The following GABRB1 variants were observed in gnomAD, a reference collection of about 807,000 sequenced individuals.
GABRB1 encodes gamma-aminobutyric acid receptor subunit beta-1.
In GABRB1, 17 loss-of-function variants were observed where a neutral mutation model predicts 51.6. The observed-to-expected ratio is 0.33, with a 90% confidence interval of 0.23 to 0.49. The LOEUF (loss-of-function observed/expected upper bound fraction) is 0.49. Ranked by LOEUF, GABRB1 falls within the 20% of genes least tolerant of loss-of-function variation. GABRB1 has a pLI of 0.99. For synonymous variants in GABRB1, 247 were observed against 218.9 expected, an observed-to-expected ratio of 1.13 and a Z score of -1.14; for missense variants, 410 against 600.6, an observed-to-expected ratio of 0.68 and a Z score of 3.32.
intron 4 of GABRB1, among the ~76,000 whole-genome samples, chr4:47,261,344 C>G (rs1578044092): frequency 1.3e-5 from 2 of 152,196 alleles, no homozygotes; most frequent in Admixed American, 6.5e-5. Flanking sequence ...GCAACTCCAG[C>G]AAAGTCTCAG....
chr4:47,092,580 G>A (rs558735406), intron 3 of GABRB1, among the ~76,000 whole-genome samples: 2 of 151,588 alleles, frequency 1.3e-5, no homozygotes, highest in African/African-American at 2.4e-5. Context: ...GGTCACTTTT[G>A]CAGATATCAG....
chr4:47,378,484 G>T (rs553155520), intron 5 of GABRB1, among the ~76,000 whole-genome samples: 2 of 152,316 alleles, frequency 1.3e-5, no homozygotes, highest in South Asian at 4.1e-4. Context: ...GCCTCAGCCA[G>T]CCCAGGAAGG....
chr4:47,076,746 A>G (rs1309921206), intron 3 of GABRB1, among the ~76,000 whole-genome samples: 2 of 152,160 alleles, frequency 1.3e-5, no homozygotes, highest in Non-Finnish European at 2.9e-5. Flanking sequence ...AGGACAGACT[A>G]AATCTCTTCT....
At chr4:47,185,156 G>A (rs879409275) in intron 4 of GABRB1, among the ~76,000 whole-genome samples, 1 of 151,804 alleles carries the variant, frequency 6.6e-6, no homozygotes, top group African/African-American at 2.4e-5. Context: ...CCTTTGCCAA[G>A]TAGTTATTTT....
At chr4:47,010,173 A>G (rs1292992770) in intron 1 of GABRB1, among the ~76,000 whole-genome samples, 1 of 152,200 alleles carries the variant, frequency 6.6e-6, no homozygotes, top group African/African-American at 2.4e-5. Flanking sequence ...CCTTCCTTTA[A>G]TAAGTAATGA....
Position 47,080,646 on chromosome 4 carries a change from G to A in GABRB1, c.240+48162G>A, listed in dbSNP as rs546216149. The stretch of plus-strand genomic sequence containing the variant: ...TGCCTAGGCTGGATTCAAATTCTTG[G>A]GCTCAAGGGATCCTCATGCTTTACA... On this transcript the variant is annotated intron_variant, in intron 3 of 8. Coordinates refer to ENST00000295454, the MANE Select transcript of GABRB1 (RefSeq NM_000812.4). Among the ~76,000 whole-genome samples, 13 of 152,148 alleles carry A rather than the reference G, an allele frequency of 8.5e-5. 1 individual carries two copies. The South Asian group carries it at 2.3e-3, about 27-fold the overall frequency.
chr4:47,095,210 A>C (rs1714347134), intron 3 of GABRB1, among the ~76,000 whole-genome samples: 1 of 151,882 alleles, frequency 6.6e-6, no homozygotes. Context: ...ATTTTACTAG[A>C]ACCCCAAGCA....
chr4:47,310,377 G>T (rs1223044952), intron 4 of GABRB1, among the ~76,000 whole-genome samples: 1 of 152,164 alleles, frequency 6.6e-6, no homozygotes, highest in East Asian at 1.9e-4. Flanking sequence ...AATGCTTACA[G>T]AATTGCCTGA....
At chr4:47,077,960 AT>A (rs1297447996) in intron 3 of GABRB1, among the ~76,000 whole-genome samples, 20 of 99,788 alleles carry the variant, frequency 2.0e-4, no homozygotes, top group African/African-American at 7.1e-4. Context: ...TATATATTTT[AT>A]ATATATATTT....
At chr4:47,355,540 A>G (rs186079759) in intron 5 of GABRB1, among the ~76,000 whole-genome samples, 240 of 152,282 alleles carry the variant, frequency 1.6e-3, no homozygotes, top group Non-Finnish European at 3.0e-3. Flanking sequence ...TTGCAGTGAC[A>G]AAAAACAGAG....
chr4:47,264,803 A>G (rs556759431), intron 4 of GABRB1, among the ~76,000 whole-genome samples: 1 of 152,316 alleles, frequency 6.6e-6, no homozygotes, highest in Admixed American at 6.5e-5. Flanking sequence ...ACGCTTCTGC[A>G]ATCAATCTTT....
In GABRB1 at chr4:47,350,210, T is replaced by TAGAG. The variant is rs1409250810; in HGVS notation, c.544+30002_544+30003insGAGA. ...ATATATATATATATATATATATATATATATATATAGAGAGAGAGAGAGAGA... is the reference window on the plus strand; with the variant it reads ...ATATATATATATATATATATATATATAGAGATATATATAGAGAGAGAGAGAGAGA... On this transcript the variant is annotated intron_variant, in intron 5 of 8. Coordinates refer to ENST00000295454, the MANE Select transcript of GABRB1 (RefSeq NM_000812.4). Among the ~76,000 whole-genome samples the TAGAG allele has an allele frequency of 4.9e-3, 439 of 88,688 alleles. 1 individual carries two copies. The highest frequency in any genetic ancestry group is 0.014 in the Middle Eastern group (2 of 146). 58.2% of individuals were successfully genotyped at this position (88,688 alleles called of 152,430 possible). A position where few individuals can be genotyped will look rare whatever the true frequency, so the allele number is the denominator to read the frequency against.
At chr4:47,059,007 T>C (rs1726737363) in intron 3 of GABRB1, among the ~76,000 whole-genome samples, 1 of 152,226 alleles carries the variant, frequency 6.6e-6, no homozygotes, top group Non-Finnish European at 1.5e-5. Context: ...AATTAACTGA[T>C]AGTCAATGAG....
At chr4:47,332,975 T>C (rs1725540657) in intron 5 of GABRB1, among the ~76,000 whole-genome samples, 1 of 151,514 alleles carries the variant, frequency 6.6e-6, no homozygotes, top group South Asian at 2.1e-4. Flanking sequence ...GGTGGACCAA[T>C]GGACCCTGCC....
intron 4 of GABRB1, among the ~76,000 whole-genome samples, chr4:47,198,783 AAG>A (rs1296944719): frequency 6.6e-6 from 1 of 152,198 alleles, no homozygotes; most frequent in Non-Finnish European, 1.5e-5. Context: ...TTATAAAAGA[AAG>A]AGGCTTGATT....
chr4:47,362,652 T>G (rs926293602), intron 5 of GABRB1, among the ~76,000 whole-genome samples: 1 of 152,126 alleles, frequency 6.6e-6, no homozygotes, highest in African/African-American at 2.4e-5. Flanking sequence ...GAGGACAGAC[T>G]AGGGTGCCTA....
chr4:47,192,743 A>G (rs924065968), intron 4 of GABRB1, among the ~76,000 whole-genome samples: 6 of 152,226 alleles, frequency 3.9e-5, no homozygotes, highest in Admixed American at 6.5e-5. Flanking sequence ...ATAAAAATTG[A>G]GGAACACAAA....
chr4:47,117,553 A>G (rs1453343456), intron 3 of GABRB1, among the ~76,000 whole-genome samples: 1 of 152,198 alleles, frequency 6.6e-6, no homozygotes. Flanking sequence ...TCAGGAGCTC[A>G]GGGAAAACAA....
intron 4 of GABRB1, among the ~76,000 whole-genome samples, chr4:47,223,205 A>AT (rs1201355566): frequency 5.3e-5 from 8 of 152,112 alleles, no homozygotes; most frequent in South Asian, 2.1e-4. Flanking sequence ...TTTTTAATGT[A>AT]TTTTTTACCA....
Sources: gnomAD v4.1 joint callset for allele counts (sites outside exome capture counted in the v4.1 genomes callset) on GRCh38, gnomAD v4.1.1 for gene constraint, MANE v1.5 for transcripts, NCBI Gene and HGNC (gene_info 2026-07-23, HGNC 2026-07-21) for gene names.